The following PHLDB1 variants were observed in gnomAD, a reference collection of about 807,000 sequenced individuals.
PHLDB1 encodes the protein pleckstrin homology-like domain family B member 1.
A neutral mutation model predicts 139.3 loss-of-function variants in PHLDB1; 65 were observed. That is an observed-to-expected ratio of 0.47 (90% CI 0.38 to 0.57). The LOEUF (loss-of-function observed/expected upper bound fraction) is 0.57, where lower values mean the gene tolerates loss of function less well. Among genes scored for constraint, PHLDB1 ranks in the 20% least tolerant of loss-of-function variants. The pLI, the probability that PHLDB1 is intolerant of heterozygous loss-of-function variation, is 0.00. For missense variants in PHLDB1, 1,624 were observed against 1,839.7 expected (o/e 0.88, Z 2.14); for synonymous variants, 679 against 734.5 (o/e 0.92, Z 1.22).
intron 20 of PHLDB1, chr11:118,653,440 C>T (rs544798779): frequency 6.6e-6 from 1 of 152,312 alleles, no homozygotes; most frequent in East Asian, 1.9e-4. Context: ...ATCTGTTTTT[C>T]CATGTGACAT....
Position 118,655,709 on chromosome 11 carries a change from C to T in PHLDB1, c.3960+19C>T. 1 of 1,591,250 alleles carries T rather than the reference C, an allele frequency of 6.3e-7. No individual in the cohort carries two copies. The highest frequency in any genetic ancestry group is 2.2e-5 in the East Asian group (1 of 44,722). ...AGCCAAGGTCAGGGGTGGAGGGCAC[C>T]AGAGGGGGGCCAGAGGGACAGCCAT... On this transcript the variant is annotated intron_variant, in intron 21 of 22. Coordinates refer to ENST00000600882, the MANE Select transcript of PHLDB1 (RefSeq NM_001144758.3).
intron 3 of PHLDB1, chr11:118,615,194 C>CAAAAAAA (rs71041841): frequency 1.1e-4 from 7 of 65,548 alleles, no homozygotes; most frequent in Admixed American, 1.9e-4. Flanking sequence ...GACTCTATCT[C>CAAAAAAA]AAAAAAAAAA....
chr11:118,643,208 G>A (rs1946868177), intron 13 of PHLDB1, among the ~76,000 whole-genome samples: 3 of 152,192 alleles, frequency 2.0e-5, no homozygotes, highest in East Asian at 3.8e-4. Flanking sequence ...TGAGGTAGAT[G>A]AAGTTAACTC....
At chr11:118,631,677 T>C (rs530225020) in intron 7 of PHLDB1, among the ~76,000 whole-genome samples, 198 bp downstream of exon 7, 30 of 152,314 alleles carry the variant, frequency 2.0e-4, no homozygotes, top group African/African-American at 7.0e-4. Flanking sequence ...ATATGCTTTA[T>C]GACCTGCCTT....
At chr11:118,613,645 A>AG (rs1218284916) in intron 1 of PHLDB1, 171 bp from the exon 2 acceptor site, 1 of 583,442 alleles carries the variant, frequency 1.7e-6, no homozygotes, top group African/African-American at 1.9e-5. Flanking sequence ...CACTGCTCCC[A>AG]GACAACTCCC....
chr11:118,645,721 C>G lies in PHLDB1; in HGVS notation c.3417-14C>G, dbSNP rs782299415. Reference sequence around the variant, plus strand: ...AGCTCCTTGATGCACTTCCTCTTCCCCTTCTCTCCCCAGCGCGAGTGGTCT... The same window carrying G: ...AGCTCCTTGATGCACTTCCTCTTCCGCTTCTCTCCCCAGCGCGAGTGGTCT... On this transcript the variant is annotated splice_polypyrimidine_tract_variant and intron_variant, in intron 16 of 22. Coordinates refer to ENST00000600882, the MANE Select transcript of PHLDB1 (RefSeq NM_001144758.3). This position sits in a 1 kb window ranked among gnomAD's most constrained non-coding sequence, Gnocchi z 5.1. 1.9e-6 allele frequency: 3 copies of G among 1,612,410 alleles called. No homozygotes were observed. Among genetic ancestry groups the G allele is most frequent in the Non-Finnish European group, 2.5e-6 (3 of 1,178,446 alleles).
Position 118,643,798 on chromosome 11 carries a change from A to G in PHLDB1, c.2878-2A>G, listed in dbSNP as rs1306160830. The stretch of plus-strand genomic sequence containing the variant: ...TCACTGGGCACTATCTTTTCTTTCC[A>G]GGTTTACCGCTCCAAGATGGATGGC... On this transcript the variant is annotated splice_acceptor_variant, in intron 13 of 22. Transcript: ENST00000600882. LOFTEE classifies it high-confidence loss of function. 3.1e-6 allele frequency: 5 copies of G among 1,613,930 alleles called. No individual in the cohort carries two copies. Among genetic ancestry groups the G allele is most frequent in the Non-Finnish European group, 3.4e-6 (4 of 1,179,984 alleles).
At chr11:118,630,036 T>G (rs1290556289) in intron 6 of PHLDB1, 50 of 1,285,718 alleles carry the variant, frequency 3.9e-5, no homozygotes, top group East Asian at 2.8e-4. Flanking sequence ...CGGTTTTTTT[T>G]TTTTTTTTTT....
rs782682639 is a variant in PHLDB1 at position 118,657,329 on chromosome 11, C to T, written c.*506C>T. 2 of 154,636 alleles carry T rather than the reference C, an allele frequency of 1.3e-5. No homozygotes were observed. Among genetic ancestry groups the T allele is most frequent in the Admixed American group, 1.3e-4 (2 of 15,794 alleles). 9.6% of individuals were successfully genotyped at this position (154,636 alleles called of 1,614,324 possible). ...AGATCTCAAGTGTCAACCTTGAGGT[C>T]CCAGCTCCATCCCCTAGTTGCAGAC... On this transcript the variant is annotated 3_prime_UTR_variant, in exon 23 of 23. Coordinates refer to ENST00000600882, the MANE Select transcript of PHLDB1 (RefSeq NM_001144758.3).
intron 4 of PHLDB1, among the ~76,000 whole-genome samples, chr11:118,623,874 TTGTGTGTGTGTGTGTGTG>T (rs3222268): frequency 8.5e-5 from 12 of 141,194 alleles, no homozygotes; most frequent in Non-Finnish European, 1.8e-4. Flanking sequence ...CTCTGAACAT[TTGTGTGTGTGTGTGTGTG>T]TGTGTGTGTG....
Position 118,608,452 on chromosome 11 carries a change from G to C in PHLDB1, c.-22+753G>C, listed in dbSNP as rs1555080683. 6.6e-6 allele frequency among the ~76,000 whole-genome samples: 1 copy of C among 152,146 alleles called. No individual in the cohort carries two copies. Among genetic ancestry groups the C allele is most frequent in the Non-Finnish European group, 1.5e-5 (1 of 67,996 alleles). Reference sequence around the variant, plus strand: ...GAAGTGCGGGCGGGCGGCTGGGTAGGGGCGCCGGCGCAGGGTGGCCGAGTC... The same window carrying C: ...GAAGTGCGGGCGGGCGGCTGGGTAGCGGCGCCGGCGCAGGGTGGCCGAGTC... On this transcript the variant is annotated intron_variant, in intron 1 of 22. Coordinates refer to ENST00000600882, the MANE Select transcript of PHLDB1 (RefSeq NM_001144758.3). This position sits in a 1 kb window ranked among gnomAD's most constrained non-coding sequence, Gnocchi z 6.7.
chr11:118,655,945 C>A, intron 22 of PHLDB1, 53 bp downstream of exon 22: 9 of 1,337,642 alleles, frequency 6.7e-6, no homozygotes, highest in Non-Finnish European at 8.6e-6. Context: ...CTGTACCCCA[C>A]TCATCCCTGA....
chr11:118,643,439 G>A, intron 13 of PHLDB1: 1 of 848,878 alleles, frequency 1.2e-6, no homozygotes, highest in Non-Finnish European at 1.4e-6. Context: ...GAGGTGTGTG[G>A]CCCAAGGTCA....
At chr11:118,612,738 C>T (rs566114475) in intron 1 of PHLDB1, among the ~76,000 whole-genome samples, 1 of 152,350 alleles carries the variant, frequency 6.6e-6, no homozygotes, top group South Asian at 2.1e-4. Flanking sequence ...GGAATGCGGG[C>T]TGCTGCCCCT....
chr11:118,650,051 C>G lies in PHLDB1; in HGVS notation c.3655-26C>G. 5 of 1,541,612 alleles carry G rather than the reference C, an allele frequency of 3.2e-6. No homozygotes were observed. The highest frequency in any genetic ancestry group is 4.5e-6 in the Non-Finnish European group (5 of 1,113,950). ...GAATAATGAGGGAAGAGAGGAGACT[C>G]TCCTGACCCTCCCTCTTGCTCCCAG... On this transcript the variant is annotated intron_variant, in intron 18 of 22. Coordinates refer to ENST00000600882, the MANE Select transcript of PHLDB1 (RefSeq NM_001144758.3). This position sits in a 1 kb window ranked among gnomAD's most constrained non-coding sequence, Gnocchi z 4.7.
rs1426062049 is a variant in PHLDB1 at position 118,650,915 on chromosome 11, C to T, written c.3874+368C>T. On this transcript the variant is annotated intron_variant, in intron 20 of 22. Transcript: ENST00000600882. This position sits in a 1 kb window ranked among gnomAD's most constrained non-coding sequence, Gnocchi z 4.7. ...AGGAGACATCCAGGCACTGCAGGAG[C>T]ATGGGGTCTTATGGTCAGAGTTGGG... The T allele has an allele frequency of 3.8e-6, 1 of 262,024 alleles. No individual in the cohort carries two copies. Among genetic ancestry groups the T allele is most frequent in the Non-Finnish European group, 7.4e-6 (1 of 134,790 alleles). 16.2% of individuals were successfully genotyped at this position (262,024 alleles called of 1,614,324 possible).
intron 9 of PHLDB1, chr11:118,633,389 T>C (rs933321104): frequency 5.3e-5 from 8 of 152,206 alleles, no homozygotes; most frequent in African/African-American, 1.7e-4. Context: ...GTTCTTTCCA[T>C]TGGAAATGCC....
rs374513763 is a variant in PHLDB1, at chr11:118,615,001, C to G, written c.184+319C>G. ...CACGAGGTCAGGAGTTCTAGACCAG[C>G]CTGGCCAATATGGTGAAACCCCATC... On this transcript the variant is annotated intron_variant, in intron 3 of 22. Transcript: ENST00000600882. The G allele has an allele frequency of 2.4e-4, 67 of 273,932 alleles. No homozygotes were observed. In the East Asian group the frequency reaches 6.1e-3, roughly 25 times the overall value. 17.0% of individuals were successfully genotyped at this position (273,932 alleles called of 1,614,324 possible).
chr11:118,639,911 T>C, intron 12 of PHLDB1: 1 of 986,200 alleles, frequency 1.0e-6, no homozygotes. Context: ...GGACTAAGGC[T>C]CTGGGCCTTT....
Sources: gnomAD v4.1 joint callset for allele counts (sites outside exome capture counted in the v4.1 genomes callset) on GRCh38, gnomAD v4.1.1 for gene constraint, Gnocchi (gnomAD v3.1) non-coding constraint, MANE v1.5 for transcripts, NCBI Gene and HGNC (gene_info 2026-07-23, HGNC 2026-07-21) for gene names.